COMMD7: variants seen among roughly 807,000 people sequenced by gnomAD.
COMMD7 encodes COMM domain containing 7, also known as COMM domain-containing protein 7.
COMMD7 carries 28 observed loss-of-function variants against 34.8 expected under a neutral mutation model. That is an observed-to-expected ratio of 0.80 (90% confidence interval 0.60 to 1.10). The LOEUF (loss-of-function observed/expected upper bound fraction) is 1.10, where lower values mean the gene tolerates loss of function less well. Ranked by LOEUF, COMMD7 falls within the 50% of genes least tolerant of loss-of-function variation. The pLI, the probability that COMMD7 is intolerant of heterozygous loss-of-function variation, is 0.00. For synonymous variants in COMMD7, 80 were observed against 86.4 expected, an observed-to-expected ratio of 0.93 and a Z score of 0.41; for missense variants, 211 against 241.6, an observed-to-expected ratio of 0.87 and a Z score of 0.84.
chr20:32,731,144 C>T (rs987930617), intron 1 of COMMD7, among the ~76,000 whole-genome samples: 2 of 152,004 alleles, frequency 1.3e-5, no homozygotes, highest in Non-Finnish European at 2.9e-5. Flanking sequence ...CCAGCTTGGG[C>T]AATCTGCATA....
intron 3 of COMMD7, among the ~76,000 whole-genome samples, chr20:32,708,074 A>G (rs1262714439): frequency 6.6e-6 from 1 of 152,152 alleles, no homozygotes; most frequent in African/African-American, 2.4e-5. Flanking sequence ...AACCTCTACA[A>G]TTCACAAGTC....
At chr20:32,735,710 T>C (rs1986101552) in intron 1 of COMMD7, among the ~76,000 whole-genome samples, 1 of 152,096 alleles carries the variant, frequency 6.6e-6, no homozygotes, top group Non-Finnish European at 1.5e-5. Flanking sequence ...TGGAGTACAG[T>C]GGGTGATCAT....
chr20:32,703,311 CCT>C lies in COMMD7; in HGVS notation c.*69_*70del, dbSNP rs1425528110. The C allele has an allele frequency of 1.4e-6, 2 of 1,384,662 alleles. No homozygotes were observed. Among genetic ancestry groups the C allele is most frequent in the Non-Finnish European group, 2.0e-6 (2 of 988,702 alleles). 85.8% of individuals were successfully genotyped at this position (1,384,662 alleles called of 1,614,324 possible). ...ATCCCACAGGCCTGTGAGTGAAGTG[CCT>C]CTCAGAGCAGTCACCCAGGGAAGGG... On this transcript the variant is annotated 3_prime_UTR_variant, in exon 9 of 9. Coordinates refer to ENST00000278980, the MANE Select transcript of COMMD7 (RefSeq NM_053041.3).
chr20:32,739,873 T>C (rs1430358066), intron 1 of COMMD7, among the ~76,000 whole-genome samples: 1 of 139,518 alleles, frequency 7.2e-6, no homozygotes, highest in Non-Finnish European at 1.5e-5. Context: ...CAAGAAAAAA[T>C]TAGATGGGCA....
intron 3 of COMMD7, among the ~76,000 whole-genome samples, chr20:32,707,018 A>G (rs535372300): frequency 6.6e-5 from 10 of 151,670 alleles, no homozygotes; most frequent in South Asian, 4.2e-4. Flanking sequence ...TCAAGCCTGT[A>G]ATCCCAGCAC....
rs1398707176 is a variant in COMMD7, at chr20:32,723,141, C to T, written c.241+4752G>A. 4.7e-5 allele frequency among the ~76,000 whole-genome samples: 2 copies of T among 42,318 alleles called. 1 individual carries two copies. The highest frequency in any genetic ancestry group is 1.3e-4 in the Non-Finnish European group (2 of 15,466). 27.8% of individuals were successfully genotyped at this position (42,318 alleles called of 152,430 possible). On this transcript the variant is annotated intron_variant, in intron 3 of 8. Transcript: ENST00000278980. ...CTCCCTCTCCCTCCCTCTCCGTCTCCGTCTCCGTCTCCGTCTCCCTCTCCC... is the reference window on the plus strand; with the variant it reads ...CTCCCTCTCCCTCCCTCTCCGTCTCTGTCTCCGTCTCCGTCTCCCTCTCCC...
chr20:32,741,890 C>T (rs1253943570), intron 1 of COMMD7, among the ~76,000 whole-genome samples: 1 of 152,008 alleles, frequency 6.6e-6, no homozygotes, highest in Non-Finnish European at 1.5e-5. Flanking sequence ...AGGATGCTTG[C>T]ATAAGATAAA....
intron 3 of COMMD7, among the ~76,000 whole-genome samples, chr20:32,707,754 A>G (rs983235322): frequency 6.6e-6 from 1 of 152,044 alleles, no homozygotes; most frequent in African/African-American, 2.4e-5. Flanking sequence ...AAGGATACGA[A>G]TTCCTGGAGC....
intron 1 of COMMD7, among the ~76,000 whole-genome samples, chr20:32,740,332 A>G (rs918178997): frequency 6.6e-6 from 1 of 151,710 alleles, no homozygotes; most frequent in Non-Finnish European, 1.5e-5. Flanking sequence ...AAAAAAGAAA[A>G]GGGCTAAACT....
intron 6 of COMMD7, 79 bp from the exon 7 acceptor site, chr20:32,704,568 A>G: frequency 6.7e-7 from 1 of 1,485,758 alleles, no homozygotes; most frequent in African/African-American, 1.4e-5. Flanking sequence ...TGAAGACCCC[A>G]GTTTTGCAGC....
chr20:32,733,147 G>A (rs1275586855), intron 1 of COMMD7, among the ~76,000 whole-genome samples: 2 of 151,752 alleles, frequency 1.3e-5, no homozygotes, highest in Admixed American at 1.3e-4. Flanking sequence ...CCCAGGAGGC[G>A]GAGGCTACAG....
chr20:32,740,881 G>A (rs904765786), intron 1 of COMMD7, among the ~76,000 whole-genome samples: 6 of 151,478 alleles, frequency 4.0e-5, no homozygotes, highest in East Asian at 1.9e-4. Flanking sequence ...CATGGCTTAC[G>A]CCTGTAATCC....
At chr20:32,711,222 C>CCCGTCTCCACTAAA (rs1404223307) in intron 3 of COMMD7, among the ~76,000 whole-genome samples, 1 of 151,792 alleles carries the variant, frequency 6.6e-6, no homozygotes, top group Non-Finnish European at 1.5e-5. Context: ...CGTGGTGAAA[C>CCCGTCTCCACTAAA]CCCGTCTCCA....
intron 1 of COMMD7, among the ~76,000 whole-genome samples, chr20:32,735,518 T>C (rs1486777957): frequency 6.6e-6 from 1 of 152,032 alleles, no homozygotes; most frequent in Admixed American, 6.6e-5. Flanking sequence ...GGTTTCACCA[T>C]GTTGGCCAGA....
At chr20:32,708,629 C>T (rs1984238427) in intron 3 of COMMD7, among the ~76,000 whole-genome samples, 1 of 151,222 alleles carries the variant, frequency 6.6e-6, no homozygotes, top group African/African-American at 2.4e-5. Flanking sequence ...TTTGACAATC[C>T]CCAAACACTG....
intron 3 of COMMD7, among the ~76,000 whole-genome samples, chr20:32,714,857 A>AACAACAAC (rs1568778705): frequency 2.3e-3 from 114 of 49,590 alleles, no homozygotes; most frequent in African/African-American, 5.8e-3. Context: ...ACAACAACAA[A>AACAACAAC]AATTAGCCAG....
Position 32,727,876 on chromosome 20 carries a change from T to C in COMMD7, c.241+17A>G, listed in dbSNP as rs757482229. 5.1e-6 allele frequency: 8 copies of C among 1,573,014 alleles called. No homozygotes were observed. The South Asian group carries it at 6.7e-5, about 13-fold the overall frequency. On this transcript the variant is annotated intron_variant, in intron 3 of 8. Transcript: ENST00000278980. The stretch of plus-strand genomic sequence containing the variant: ...AGTTAATGTCTCTGGCCACAGCTGC[T>C]AAGAGAGGTTACTCACCATTTGGAA...
At chr20:32,738,769 T>C (rs557210928) in intron 1 of COMMD7, among the ~76,000 whole-genome samples, 25 of 152,148 alleles carry the variant, frequency 1.6e-4, no homozygotes, top group Non-Finnish European at 2.9e-5. Flanking sequence ...GTCTGGTCTG[T>C]TCTCTGGGCT....
At chr20:32,728,243 C>A in intron 1 of COMMD7, 101 bp from the exon 2 acceptor site, 1 of 1,069,386 alleles carries the variant, frequency 9.4e-7, no homozygotes, top group Non-Finnish European at 1.4e-6. Flanking sequence ...AGAACAGTAA[C>A]AGCCAGGTGT....
Sources: allele counts gnomAD v4.1 joint callset (sites outside exome capture counted in the v4.1 genomes callset), GRCh38; gene constraint gnomAD v4.1.1; transcripts MANE v1.5; gene names NCBI Gene and HGNC (gene_info 2026-07-23, HGNC 2026-07-21).